The following COL24A1 variants were observed in gnomAD, a reference collection of about 807,000 sequenced individuals.
COL24A1 encodes collagen alpha-1(XXIV) chain.
COL24A1 carries 224 observed loss-of-function variants against 253.9 expected under a neutral mutation model. The observed-to-expected ratio is 0.88, with a 90% CI of 0.79 to 0.99. The LOEUF is 0.99. Ranked by LOEUF, COL24A1 falls within the 50% of genes least tolerant of loss-of-function variation. The pLI, the probability that COL24A1 is intolerant of heterozygous loss-of-function variation, is 0.00. For missense variants in COL24A1, 2,131 were observed against 2,068.5 expected, an observed-to-expected ratio of 1.03 and a Z score of -0.59; for synonymous variants, 685 against 673.7, an observed-to-expected ratio of 1.02 and a Z score of -0.26.
rs564016408 is a variant in COL24A1 at position 85,730,106 on chromosome 1, C to T, written c.*440G>A. The T allele has an allele frequency of 2.2e-3, 336 of 153,358 alleles. No homozygotes were observed. Among genetic ancestry groups the T allele is most frequent in the Non-Finnish European group, 2.7e-3 (187 of 68,516 alleles). The allele number at this position is 153,358 out of a possible 1,614,324, so 9.5% of individuals were successfully genotyped here. A position where few individuals can be genotyped will look rare whatever the true frequency, so the allele number is the denominator to read the frequency against. ...TATATGCCCATCGGGGACCTGAATA[C>T]AGCTTAGTGTTTTGGAAAATAAGAC... On this transcript the variant is annotated 3_prime_UTR_variant, in exon 60 of 60. Transcript: ENST00000370571.
At chr1:86,062,561 C>T (rs922968279) in intron 8 of COL24A1, among the ~76,000 whole-genome samples, 1 of 152,036 alleles carries the variant, frequency 6.6e-6, no homozygotes, top group Non-Finnish European at 1.5e-5. Flanking sequence ...TGAGTGAACT[C>T]GTCAGTAATG....
In COL24A1 at chr1:85,874,689, G is replaced by A. The variant is rs754463412; in HGVS notation, c.3098C>T (p.Thr1033Ile). The A allele has an allele frequency of 1.9e-6, 3 of 1,612,428 alleles. No individual in the cohort carries two copies. The highest frequency in any genetic ancestry group is 1.7e-6 in the Non-Finnish European group (2 of 1,179,938). ...CCCAGTTCCTCCAACACTGCCAGCA[G>A]TTCCAACATCTCCCTGAAGAAACAA... ...GEPGAKGDVG[T>I]AGSVGGTGEP... The change falls in exon 35 of 60, where the codon ACT becomes ATT. Residue 1033 changes from threonine to isoleucine, a missense_variant. Coordinates refer to ENST00000370571, the MANE Select transcript of COL24A1 (RefSeq NM_152890.7).
chr1:86,014,284 T>A (rs568036727), intron 19 of COL24A1, among the ~76,000 whole-genome samples: 235 of 152,320 alleles, frequency 1.5e-3, no homozygotes, highest in Admixed American at 3.6e-3. Context: ...TATTTTTCAG[T>A]TACCAAAATT....
intron 32 of COL24A1, among the ~76,000 whole-genome samples, chr1:85,886,608 T>C (rs1682531745): frequency 6.6e-6 from 1 of 151,690 alleles, no homozygotes; most frequent in Non-Finnish European, 1.5e-5. Context: ...GAGGTTGCAG[T>C]GAGCCAAGAT....
Position 85,987,624 on chromosome 1 carries a change from G to C in COL24A1, c.2341C>G (p.Gln781Glu), listed in dbSNP as rs774125436. ...ACCTTTGGTCCTTCAGGGCCGTTTTGTCCAGGAATCCCAATATCTCCTGGA... is the reference window on the plus strand; with the variant it reads ...ACCTTTGGTCCTTCAGGGCCGTTTTCTCCAGGAATCCCAATATCTCCTGGA... ...GFPGDIGIPG[Q>E]NGPEGPKGLL... The change falls in exon 20 of 60, where the codon CAA (glutamine) becomes GAA (glutamate). Residue 781 changes from glutamine (Q) to glutamate (E), a missense_variant. Physicochemically the swap from Gln to Glu is conservative, Grantham distance 29 (BLOSUM62 2). Transcript: ENST00000370571. The C allele has an allele frequency of 3.2e-5, 51 of 1,610,368 alleles. 2 individuals carry two copies. The South Asian group carries it at 5.2e-4, about 16-fold the overall frequency.
At chr1:86,091,085 C>T (rs1389833277) in intron 6 of COL24A1, among the ~76,000 whole-genome samples, 1 of 151,988 alleles carries the variant, frequency 6.6e-6, no homozygotes, top group East Asian at 1.9e-4. Context: ...TTGTGTTTCT[C>T]ATATTGCAGA....
At chr1:86,053,786 A>AATAGCT (rs1700484482) in intron 10 of COL24A1, among the ~76,000 whole-genome samples, 1 of 152,134 alleles carries the variant, frequency 6.6e-6, no homozygotes, top group African/African-American at 2.4e-5. Flanking sequence ...TAATACCAAA[A>AATAGCT]AATACCAACA....
chr1:85,834,224 G>A (rs977510429), intron 43 of COL24A1, among the ~76,000 whole-genome samples: 3 of 152,004 alleles, frequency 2.0e-5, no homozygotes, highest in African/African-American at 7.2e-5. Context: ...AAAAGAAGTG[G>A]CTGACTGTGA....
In COL24A1 at chr1:86,146,168, A is replaced by G; in HGVS notation, c.72T>C (p.His24=). ...CCCCAGCCACACATAGTACAATAAA[A>G]TGAAGAAGTGATTTCCTAGGAAAAG... ...SPTAKTKSLL[H]FIVLCVAGVV... is the part of the protein sequence containing the mutation. The change falls in exon 2 of 60, where the codon CAT becomes CAC. Residue 24 remains histidine (H), a synonymous_variant. Coordinates refer to ENST00000370571, the MANE Select transcript of COL24A1 (RefSeq NM_152890.7). 1 of 1,611,154 alleles carries G rather than the reference A, an allele frequency of 6.2e-7. No individual in the cohort carries two copies. The highest frequency in any genetic ancestry group is 1.1e-5 in the South Asian group (1 of 90,314).
chr1:85,920,022 G>C (rs1686285591), intron 24 of COL24A1, among the ~76,000 whole-genome samples: 3 of 152,028 alleles, frequency 2.0e-5, no homozygotes. Flanking sequence ...TGCAAAATGA[G>C]GTGAAGAAAA....
At chr1:85,798,888 A>C (rs1161247425) in intron 47 of COL24A1, among the ~76,000 whole-genome samples, 1 of 152,204 alleles carries the variant, frequency 6.6e-6, no homozygotes, top group Non-Finnish European at 1.5e-5. Context: ...AGCAATAAAA[A>C]AATAAAAAGA....
At chr1:85,921,129 G>A (rs1686421050) in intron 24 of COL24A1, among the ~76,000 whole-genome samples, 1 of 152,138 alleles carries the variant, frequency 6.6e-6, no homozygotes, top group Non-Finnish European at 1.5e-5. Context: ...TCAGGGTGGG[G>A]CATCGCCTCA....
chr1:85,921,705 A>G (rs1331838330), intron 24 of COL24A1, among the ~76,000 whole-genome samples: 2 of 152,208 alleles, frequency 1.3e-5, no homozygotes, highest in Middle Eastern at 3.2e-3. Flanking sequence ...AAAACCACAA[A>G]GATGGGGAGA....
chr1:85,933,077 T>TA (rs570189474), intron 24 of COL24A1, among the ~76,000 whole-genome samples: 86 of 103,176 alleles, frequency 8.3e-4, no homozygotes, highest in African/African-American at 3.1e-3. Context: ...CCCTAAAACT[T>TA]AGAGTATAAT....
At chr1:85,769,480 G>A (rs373399863) in intron 53 of COL24A1, among the ~76,000 whole-genome samples, 65 of 151,610 alleles carry the variant, frequency 4.3e-4, no homozygotes, top group African/African-American at 1.5e-3. Context: ...TAGGTATTAT[G>A]TCCAGGGTGG....
Position 85,894,353 on chromosome 1 carries a change from T to A in COL24A1, c.2922+1505A>T, listed in dbSNP as rs1683438905. Among the ~76,000 whole-genome samples the A allele has an allele frequency of 2.6e-5, 4 of 152,326 alleles. 1 individual carries two copies. In the South Asian group the frequency reaches 8.3e-4, roughly 32 times the overall value. Reference sequence around the variant, plus strand: ...TACAAACCAGGGTAAGGTTACAGAATGATTCTAGTATCTTTTATTTAATTG... The same window carrying A: ...TACAAACCAGGGTAAGGTTACAGAAAGATTCTAGTATCTTTTATTTAATTG... On this transcript the variant is annotated intron_variant, in intron 31 of 59. Coordinates refer to ENST00000370571, the MANE Select transcript of COL24A1 (RefSeq NM_152890.7).
chr1:86,040,694 C>A (rs76408828), intron 12 of COL24A1, among the ~76,000 whole-genome samples: 1 of 152,056 alleles, frequency 6.6e-6, no homozygotes, highest in Admixed American at 6.6e-5. Context: ...TACACCCTGT[C>A]ATACTACAGT....
At chr1:86,126,678 G>T (rs1648358160) in intron 2 of COL24A1, among the ~76,000 whole-genome samples, 1 of 151,908 alleles carries the variant, frequency 6.6e-6, no homozygotes, top group African/African-American at 2.4e-5. Context: ...TTGCTCTATT[G>T]CCCAGGATAG....
At chr1:85,849,442 T>C in intron 37 of COL24A1, 36 bp from the exon 38 acceptor site, 1 of 1,494,262 alleles carries the variant, frequency 6.7e-7, no homozygotes, top group Non-Finnish European at 9.3e-7. Flanking sequence ...AATAAATGGT[T>C]AAAGAAAAGA....
Sources: gnomAD v4.1 joint callset for allele counts (sites outside exome capture counted in the v4.1 genomes callset) on GRCh38, gnomAD v4.1.1 for gene constraint, MANE v1.5 for transcripts, NCBI Gene and HGNC (gene_info 2026-07-23, HGNC 2026-07-21) for gene names.